Variants in TP63 observed in about 807,000 individuals in gnomAD.
The protein encoded by TP63 is tumor protein p63.
TP63 carries 17 observed loss-of-function variants against 82.8 expected under a neutral mutation model. The ratio of observed to expected loss-of-function variants is 0.21; its 90% confidence interval spans 0.14 to 0.31. TP63 has a LOEUF of 0.31. Ranked by LOEUF, TP63 falls within the 10% of genes least tolerant of loss-of-function variation. TP63 has a pLI of 1.00. For synonymous variants in TP63, 330 were observed against 321.7 expected (o/e 1.03, Z -0.28); for missense variants, 648 against 895.3 (o/e 0.72, Z 3.52).
chr3:189,728,438 T>C (rs1222601053), intron 1 of TP63, among the ~76,000 whole-genome samples: 1 of 152,134 alleles, frequency 6.6e-6, no homozygotes, highest in Non-Finnish European at 1.5e-5. Flanking sequence ...AAACAAGATA[T>C]ATAAATATTG....
intron 1 of TP63, among the ~76,000 whole-genome samples, chr3:189,714,126 A>G (rs1291589880): frequency 6.6e-6 from 1 of 152,162 alleles, no homozygotes; most frequent in East Asian, 1.9e-4. Context: ...GATGAATTAA[A>G]GACACCCCGT....
intron 1 of TP63, among the ~76,000 whole-genome samples, chr3:189,663,521 C>CA (rs1714108474): frequency 1.2e-5 from 1 of 84,530 alleles, no homozygotes; most frequent in Non-Finnish European, 2.1e-5. Flanking sequence ...TTCATTCATT[C>CA]TTTTTTTTTT....
intron 4 of TP63, among the ~76,000 whole-genome samples, chr3:189,839,060 A>C (rs1468840956): frequency 8.3e-5 from 8 of 96,340 alleles, no homozygotes; most frequent in African/African-American, 2.4e-4. Context: ...AAAAAAAAAA[A>C]AAAAGAAAAA....
intron 4 of TP63, among the ~76,000 whole-genome samples, chr3:189,837,923 C>T (rs952143282): frequency 5.9e-5 from 9 of 152,142 alleles, no homozygotes; most frequent in Non-Finnish European, 1.2e-4. Flanking sequence ...TTGTGCCTGG[C>T]CAATATTCCT....
In TP63 at chr3:189,689,128, T is replaced by G. The variant is rs1182959104; in HGVS notation, c.63-48612T>G. Reference sequence around the variant, plus strand: ...TCTTTTTTTTTTTTTTTTTTTTTTTTTTTTTTGAGACGGAGTCTCACTCTG... The same window carrying G: ...TCTTTTTTTTTTTTTTTTTTTTTTTGTTTTTTGAGACGGAGTCTCACTCTG... On this transcript the variant is annotated intron_variant, in intron 1 of 13. Transcript: ENST00000264731. Among the ~76,000 whole-genome samples, 6 of 106,098 alleles carry G rather than the reference T, an allele frequency of 5.7e-5. 2 individuals carry two copies. The East Asian group carries it at 1.6e-3, about 29-fold the overall frequency. 69.6% of individuals were successfully genotyped at this position (106,098 alleles called of 152,430 possible).
chr3:189,768,256 C>T (rs999873131), intron 3 of TP63, among the ~76,000 whole-genome samples: 1 of 152,014 alleles, frequency 6.6e-6, no homozygotes, highest in African/African-American at 2.4e-5. Flanking sequence ...GTTCAATAAA[C>T]GTGGGCTTTT....
chr3:189,707,136 T>A (rs1325659877), intron 1 of TP63, among the ~76,000 whole-genome samples: 1 of 152,248 alleles, frequency 6.6e-6, no homozygotes, highest in Non-Finnish European at 1.5e-5. Flanking sequence ...AGTTTTATGA[T>A]AATACTATCT....
Position 189,656,990 on chromosome 3 carries a change from CA to C in TP63, c.62+25421del, listed in dbSNP as rs1410865717. The stretch of plus-strand genomic sequence containing the variant: ...ATTCATACAATGAAATATTACTCAG[CA>C]AAAAAAAGAAAAAATATTATGAAGC... On this transcript the variant is annotated intron_variant, in intron 1 of 13. Transcript: ENST00000264731. Among the ~76,000 whole-genome samples the C allele has an allele frequency of 1.1e-4, 14 of 130,350 alleles. No individual in the cohort carries two copies. In the East Asian group the frequency reaches 2.4e-3, roughly 23 times the overall value. 85.5% of individuals were successfully genotyped at this position (130,350 alleles called of 152,430 possible).
chr3:189,624,508 A>G, the TP63 span, among the ~76,000 whole-genome samples: 1 of 152,174 alleles, frequency 6.6e-6, no homozygotes, highest in Non-Finnish European at 1.5e-5. Flanking sequence ...CTTTAATATA[A>G]TATATAACAG....
chr3:189,815,404 A>G (rs1728072887), intron 4 of TP63, among the ~76,000 whole-genome samples: 2 of 152,138 alleles, frequency 1.3e-5, no homozygotes, highest in Admixed American at 6.5e-5. Context: ...AAGTACAGAA[A>G]CTGTGGCAAA....
intron 4 of TP63, among the ~76,000 whole-genome samples, chr3:189,839,418 A>G (rs1355801010): frequency 6.6e-6 from 1 of 152,174 alleles, no homozygotes; most frequent in African/African-American, 2.4e-5. Context: ...TGGTTCCTAT[A>G]AAATATTATA....
At position 189,894,727 on chromosome 3, in the gene TP63, C is replaced by T. The variant is rs1297499674; in HGVS notation, c.*225C>T. Reference sequence around the variant, plus strand: ...ACTATAGCTTGCAGAACTGTAGCTGCCATGGCTAGGTAGAAGTGAGCAAAA... The same window carrying T: ...ACTATAGCTTGCAGAACTGTAGCTGTCATGGCTAGGTAGAAGTGAGCAAAA... On this transcript the variant is annotated 3_prime_UTR_variant, in exon 14 of 14. Transcript: ENST00000264731. 5 of 583,054 alleles carry T rather than the reference C, an allele frequency of 8.6e-6. No individual in the cohort carries two copies. The highest frequency in any genetic ancestry group is 1.5e-5 in the Non-Finnish European group (5 of 333,252). 36.1% of individuals were successfully genotyped at this position (583,054 alleles called of 1,614,324 possible).
At chr3:189,723,750 G>C (rs1159371929) in intron 1 of TP63, among the ~76,000 whole-genome samples, 2 of 151,972 alleles carry the variant, frequency 1.3e-5, no homozygotes, top group Non-Finnish European at 2.9e-5. Flanking sequence ...TTATCTACCA[G>C]GTATCCTTAA....
intron 1 of TP63, among the ~76,000 whole-genome samples, chr3:189,650,215 T>A (rs1256476021): frequency 6.8e-6 from 1 of 147,242 alleles, no homozygotes; most frequent in African/African-American, 2.5e-5. Context: ...GTTCTCAGCT[T>A]AGAGAACTTG....
chr3:189,753,452 A>G (rs975257990), intron 3 of TP63, among the ~76,000 whole-genome samples: 3 of 151,958 alleles, frequency 2.0e-5, no homozygotes, highest in African/African-American at 4.8e-5. Flanking sequence ...AGTCTGTATT[A>G]ATATTAATAC....
intron 10 of TP63, among the ~76,000 whole-genome samples, chr3:189,882,345 T>C (rs1301828538): frequency 6.6e-6 from 1 of 152,116 alleles, no homozygotes; most frequent in Non-Finnish European, 1.5e-5. Flanking sequence ...ATCTAGAGAA[T>C]AAATGCTGCA....
chr3:189,810,243 G>T (rs1040875098), intron 4 of TP63, among the ~76,000 whole-genome samples: 1 of 152,120 alleles, frequency 6.6e-6, no homozygotes, highest in African/African-American at 2.4e-5. Flanking sequence ...TTGGTTGATT[G>T]ATCTAAGTAG....
intron 3 of TP63, among the ~76,000 whole-genome samples, chr3:189,791,840 C>T (rs1019026279): frequency 6.6e-6 from 1 of 152,048 alleles, no homozygotes; most frequent in Non-Finnish European, 1.5e-5. Flanking sequence ...CCTGGCACCA[C>T]ATGGCTCTGA....
At chr3:189,829,760 A>G (rs565013823) in intron 4 of TP63, among the ~76,000 whole-genome samples, 1 of 152,326 alleles carries the variant, frequency 6.6e-6, no homozygotes, top group African/African-American at 2.4e-5. Flanking sequence ...AGGTTTTGCC[A>G]TTACTTTTTC....
Sources: allele counts gnomAD v4.1 joint callset (sites outside exome capture counted in the v4.1 genomes callset), GRCh38; gene constraint gnomAD v4.1.1; transcripts MANE v1.5; gene names NCBI Gene and HGNC (gene_info 2026-07-23, HGNC 2026-07-21).